Variants in KLF7 observed in about 807,000 individuals in gnomAD.
KLF7 encodes Krueppel-like factor 7.
Under a neutral mutation model 27.3 loss-of-function variants are expected in KLF7, and 2 were observed. The observed-to-expected ratio is 0.07, with a 90% CI of 0.03 to 0.23. The LOEUF is 0.23. Ranked by LOEUF, KLF7 falls within the 10% of genes least tolerant of loss-of-function variation. The pLI, the probability that KLF7 is intolerant of heterozygous loss-of-function variation, is 1.00. For missense variants in KLF7, 221 were observed against 394.1 expected, an observed-to-expected ratio of 0.56 and a Z score of 3.72; for synonymous variants, 165 against 162.4, an observed-to-expected ratio of 1.02 and a Z score of -0.12.
intron 3 of KLF7, among the ~76,000 whole-genome samples, chr2:207,085,691 G>A (rs1294368538): frequency 6.6e-6 from 1 of 152,176 alleles, no homozygotes; most frequent in East Asian, 1.9e-4. Context: ...TTCCACTTCC[G>A]ATAAGGCATG....
chr2:207,102,294 C>T (rs570940001), intron 2 of KLF7, among the ~76,000 whole-genome samples: 1 of 152,150 alleles, frequency 6.6e-6, no homozygotes, highest in East Asian at 1.9e-4. Context: ...CTGTACTGAA[C>T]TCACAGCTAC....
chr2:207,168,413 C>T (rs1434961623), upstream of KLF7, among the ~76,000 whole-genome samples: 1 of 152,168 alleles, frequency 6.6e-6, no homozygotes, highest in Non-Finnish European at 1.5e-5. Context: ...AAGATACCCA[C>T]GCTTGGAAAT....
At position 207,100,237 on chromosome 2, in the gene KLF7, G is replaced by A. The variant is rs1043090836; in HGVS notation, c.734-11656C>T. Among the ~76,000 whole-genome samples the A allele has an allele frequency of 5.3e-5, 8 of 152,168 alleles. No homozygotes were observed. The East Asian group carries it at 5.8e-4, about 11-fold the overall frequency. On this transcript the variant is annotated intron_variant, in intron 2 of 3. Coordinates refer to ENST00000309446, the MANE Select transcript of KLF7 (RefSeq NM_003709.4). ...ATTCATGTTGAATAGATATTAATCC[G>A]TTTTTTAGAGCTTTTTAGAGGCAAA...
intron 1 of KLF7, among the ~76,000 whole-genome samples, chr2:207,163,335 G>A (rs1224154365): frequency 1.3e-5 from 2 of 152,212 alleles, no homozygotes; most frequent in East Asian, 1.9e-4. Context: ...CAAAAAATGA[G>A]GGGGTTCCGA....
chr2:207,124,210 G>A lies in KLF7; in HGVS notation c.297C>T (p.Leu99=), dbSNP rs760660350. ...TCTCAGATAGCAACTTGTCCCGAGA[G>A]AGCAAGATGTCCACTGCCGAGCTCT... ...CEKSSAVDIL[L]SRDKLLSETC... The change falls in exon 2 of 4, where the codon CTC becomes CTT. Residue 99 remains leucine, a synonymous_variant. Coordinates refer to ENST00000309446, the MANE Select transcript of KLF7 (RefSeq NM_003709.4). 1.2e-6 allele frequency: 2 copies of A among 1,614,160 alleles called. No individual in the cohort carries two copies. Among genetic ancestry groups the A allele is most frequent in the South Asian group, 1.1e-5 (1 of 91,080 alleles).
At position 207,126,010 on chromosome 2, in the gene KLF7, G is replaced by A. The variant is rs532686519; in HGVS notation, c.103-1606C>T. Among the ~76,000 whole-genome samples the A allele has an allele frequency of 1.5e-3, 222 of 152,296 alleles. 1 individual carries two copies. The highest frequency in any genetic ancestry group is 5.3e-3 in the African/African-American group (219 of 41,556). ...CTCTATTAATGTAGTATTAATCAAG[G>A]AAAGCTTAGTGAAAAAGTAAGTTTT... On this transcript the variant is annotated intron_variant, in intron 1 of 3. Transcript: ENST00000309446.
chr2:207,086,614 T>C (rs1455584868), intron 3 of KLF7, among the ~76,000 whole-genome samples: 3 of 152,214 alleles, frequency 2.0e-5, no homozygotes, highest in East Asian at 3.8e-4. Context: ...TTCAGTGAAA[T>C]AACCAATCGG....
At chr2:207,132,018 C>G (rs1418377732) in intron 1 of KLF7, among the ~76,000 whole-genome samples, 1 of 152,128 alleles carries the variant, frequency 6.6e-6, no homozygotes, top group Non-Finnish European at 1.5e-5. Flanking sequence ...CTTGGGAGAC[C>G]TAGAGAGTGA....
intron 1 of KLF7, among the ~76,000 whole-genome samples, chr2:207,148,596 T>G (rs1237921818): frequency 6.6e-6 from 1 of 152,240 alleles, no homozygotes; most frequent in African/African-American, 2.4e-5. Context: ...ATTTTGCCCA[T>G]ATTTTTTTAA....
chr2:207,076,274 C>G lies in KLF7; in HGVS notation c.*4939G>C, dbSNP rs115544544. Reference sequence around the variant, plus strand: ...CACAGTTGAAAAAAAATTGTATAAACAGTCCCCAACAAAGAACATTATCAA... The same window carrying G: ...CACAGTTGAAAAAAAATTGTATAAAGAGTCCCCAACAAAGAACATTATCAA... On this transcript the variant is annotated 3_prime_UTR_variant, in exon 4 of 4. Transcript: ENST00000309446. 1 of 152,086 alleles carries G rather than the reference C, an allele frequency of 6.6e-6. No individual in the cohort carries two copies. Among genetic ancestry groups the G allele is most frequent in the African/African-American group, 2.4e-5 (1 of 41,402 alleles). 9.4% of individuals were successfully genotyped at this position (152,086 alleles called of 1,614,324 possible). A position where few individuals can be genotyped will look rare whatever the true frequency, so the allele number is the denominator to read the frequency against.
At chr2:207,095,280 C>G (rs1024992244) in intron 2 of KLF7, among the ~76,000 whole-genome samples, 3 of 151,940 alleles carry the variant, frequency 2.0e-5, no homozygotes, top group Non-Finnish European at 4.4e-5. Context: ...GATCTCCTGA[C>G]CTCGTGATCC....
chr2:207,161,958 A>G (rs751584525), intron 1 of KLF7, among the ~76,000 whole-genome samples: 4 of 152,214 alleles, frequency 2.6e-5, no homozygotes, highest in East Asian at 1.9e-4. Context: ...ACATAATTCC[A>G]TAAGACTTTT....
In KLF7 at chr2:207,075,646, G is replaced by C. The variant is rs1404070654; in HGVS notation, c.*5567C>G. ...TCAGTGGCTGGGAAGTTGTGTGGGA[G>C]TAGGAAGTGGGAGAAGGAGCTTGAC... On this transcript the variant is annotated 3_prime_UTR_variant, in exon 4 of 4. Transcript: ENST00000309446. 1 of 151,924 alleles carries C rather than the reference G, an allele frequency of 6.6e-6. No homozygotes were observed. Among genetic ancestry groups the C allele is most frequent in the Non-Finnish European group, 1.5e-5 (1 of 67,976 alleles). 9.4% of individuals were successfully genotyped at this position (151,924 alleles called of 1,614,324 possible). A position where few individuals can be genotyped will look rare whatever the true frequency, so the allele number is the denominator to read the frequency against.
At position 207,139,535 on chromosome 2, in the gene KLF7, CA is replaced by C. The variant is rs1234035270; in HGVS notation, c.103-15132del. Among the ~76,000 whole-genome samples, 5 of 151,916 alleles carry C rather than the reference CA, an allele frequency of 3.3e-5. No individual in the cohort carries two copies. The East Asian group carries it at 9.6e-4, about 29-fold the overall frequency. ...ACCCTGAACTTTCCACCAAGGATCT[CA>C]AAACATTCTAAAAATCCAACAAACC... On this transcript the variant is annotated intron_variant, in intron 1 of 3. Transcript: ENST00000309446.
chr2:207,085,512 G>C (rs560138505), intron 3 of KLF7, among the ~76,000 whole-genome samples: 1 of 151,360 alleles, frequency 6.6e-6, no homozygotes, highest in Non-Finnish European at 1.5e-5. Flanking sequence ...TCACTCAGGG[G>C]GGCTGCACTG....
At chr2:207,098,484 A>G (rs1157647792) in intron 2 of KLF7, among the ~76,000 whole-genome samples, 1 of 152,198 alleles carries the variant, frequency 6.6e-6, no homozygotes, top group Non-Finnish European at 1.5e-5. Context: ...GATGTATTAA[A>G]TAGAAATTTG....
At chr2:207,108,806 T>C (rs998130822) in intron 2 of KLF7, among the ~76,000 whole-genome samples, 4 of 152,182 alleles carry the variant, frequency 2.6e-5, no homozygotes, top group Admixed American at 2.6e-4. Flanking sequence ...TATCCTCAAC[T>C]GGGCAAAAAC....
rs146210316 is a variant in KLF7 at position 207,123,503 on chromosome 2, T to C, written c.733+271A>G. ...TGTCTGTGTCACAAACAGCTATGAG[T>C]CACTGCCAGGGCCCCCTTCAGCCAT... On this transcript the variant is annotated intron_variant, in intron 2 of 3. Transcript: ENST00000309446. 4.9e-3 allele frequency among the ~76,000 whole-genome samples: 745 copies of C among 152,254 alleles called. 7 individuals carry two copies. The highest frequency in any genetic ancestry group is 0.017 in the African/African-American group (718 of 41,538).
intron 2 of KLF7, among the ~76,000 whole-genome samples, chr2:207,110,488 G>T (rs180949932): frequency 3.4e-4 from 52 of 152,296 alleles, no homozygotes; most frequent in Admixed American, 3.1e-3. Context: ...GCTCTTCAGT[G>T]CGTGGTCAGC....
Sources: gnomAD v4.1 joint callset for allele counts (sites outside exome capture counted in the v4.1 genomes callset) on GRCh38, gnomAD v4.1.1 for gene constraint, MANE v1.5 for transcripts, NCBI Gene and HGNC (gene_info 2026-07-23, HGNC 2026-07-21) for gene names.